Variants in RFX8 observed in about 807,000 individuals in gnomAD.
The protein encoded by RFX8 is DNA-binding protein RFX8.
In RFX8, 46 loss-of-function variants were observed where a neutral mutation model predicts 54.6. The observed-to-expected ratio is 0.84, with a 90% confidence interval of 0.67 to 1.08. The LOEUF (loss-of-function observed/expected upper bound fraction) is 1.08, where lower values mean the gene tolerates loss of function less well. RFX8 is among the 50% of genes least tolerant of loss of function. The pLI, the probability that RFX8 is intolerant of heterozygous loss-of-function variation, is 0.00. For missense variants in RFX8, 536 were observed against 562.3 expected (o/e 0.95, Z 0.47); for synonymous variants, 192 against 209.5 (o/e 0.92, Z 0.72).
intron 2 of RFX8, among the ~76,000 whole-genome samples, chr2:101,426,298 A>G (rs1458070851): frequency 6.6e-6 from 1 of 152,100 alleles, no homozygotes; most frequent in African/African-American, 2.4e-5. Flanking sequence ...CCAGGAGTTC[A>G]TGACCAGCAT....
chr2:101,459,977 C>A (rs979925843), intron 2 of RFX8, among the ~76,000 whole-genome samples: 1 of 152,170 alleles, frequency 6.6e-6, no homozygotes, highest in East Asian at 1.9e-4. Flanking sequence ...CTGGCCGCAT[C>A]CTCGCAGGTC....
intron 10 of RFX8, among the ~76,000 whole-genome samples, chr2:101,403,755 C>T (rs1685577753): frequency 6.6e-6 from 1 of 152,076 alleles, no homozygotes; most frequent in African/African-American, 2.4e-5. Context: ...CCATTGCATT[C>T]CAGCCTGGGT....
intron 2 of RFX8, chr2:101,434,772 C>G (rs1167555911): frequency 6.6e-6 from 1 of 152,180 alleles, no homozygotes; most frequent in Non-Finnish European, 1.5e-5. Context: ...AAGTTCCAAC[C>G]AGCCTTGAAA....
chr2:101,427,214 A>G (rs2104600103), intron 2 of RFX8, among the ~76,000 whole-genome samples: 1 of 152,274 alleles, frequency 6.6e-6, no homozygotes, highest in African/African-American at 2.4e-5. Context: ...TAATCCCTGG[A>G]ACCTATGAAT....
chr2:101,397,511 C>T lies in RFX8; in HGVS notation c.*37G>A, dbSNP rs1051035456. The T allele has an allele frequency of 2.1e-5, 28 of 1,357,920 alleles. No individual in the cohort carries two copies. Among genetic ancestry groups the T allele is most frequent in the African/African-American group, 3.0e-5 (2 of 67,748 alleles). 84.1% of individuals were successfully genotyped at this position (1,357,920 alleles called of 1,614,324 possible). A position where few individuals can be genotyped will look rare whatever the true frequency, so the allele number is the denominator to read the frequency against. On this transcript the variant is annotated 3_prime_UTR_variant, in exon 12 of 12. Transcript: ENST00000428343. ...ATTTAATATTTTTAAGAATGCAAGT[C>T]TATCAGTTTTCTTATTCTCTATTCA...
intron 1 of RFX8, among the ~76,000 whole-genome samples, chr2:101,470,624 C>G (rs1018263096): frequency 6.6e-6 from 1 of 151,876 alleles, no homozygotes; most frequent in Non-Finnish European, 1.5e-5. Flanking sequence ...TGATGTTCTC[C>G]TCGCTTTGAG....
intron 11 of RFX8, among the ~76,000 whole-genome samples, chr2:101,398,228 A>G (rs1558829437): frequency 6.6e-6 from 1 of 152,186 alleles, no homozygotes; most frequent in Non-Finnish European, 1.5e-5. Flanking sequence ...ACTCAGTGGG[A>G]GGCTTTGCAA....
At chr2:101,412,487 A>G (rs988304059) in intron 8 of RFX8, among the ~76,000 whole-genome samples, 1 of 152,256 alleles carries the variant, frequency 6.6e-6, no homozygotes, top group African/African-American at 2.4e-5. Context: ...GCAAGTAACA[A>G]GAGTGATGGG....
intron 3 of RFX8, 102 bp from the exon 4 acceptor site, chr2:101,421,879 AT>A (rs1686886927): frequency 1.2e-6 from 1 of 839,346 alleles, no homozygotes; most frequent in African/African-American, 1.7e-5. Flanking sequence ...TCTTGTTGCA[AT>A]TCTCAAATGA....
At chr2:101,448,207 G>A (rs1252877155) in intron 2 of RFX8, among the ~76,000 whole-genome samples, 1 of 152,172 alleles carries the variant, frequency 6.6e-6, no homozygotes, top group East Asian at 1.9e-4. Flanking sequence ...AACAAACAAA[G>A]CTCCATGGTT....
chr2:101,441,460 C>T (rs2148959087), intron 2 of RFX8, among the ~76,000 whole-genome samples: 1 of 152,314 alleles, frequency 6.6e-6, no homozygotes, highest in Non-Finnish European at 1.5e-5. Context: ...GCCCCCTTGC[C>T]ATGTGATGTC....
At chr2:101,473,591 C>T (rs535810414) in intron 1 of RFX8, among the ~76,000 whole-genome samples, 1 of 152,258 alleles carries the variant, frequency 6.6e-6, no homozygotes, top group East Asian at 1.9e-4. Flanking sequence ...GAAAAATGTA[C>T]TCTGTTATAT....
At chr2:101,459,260 G>A (rs771246787) in intron 2 of RFX8, among the ~76,000 whole-genome samples, 13 of 152,154 alleles carry the variant, frequency 8.5e-5, no homozygotes, top group Non-Finnish European at 1.8e-4. Flanking sequence ...CGTTGCTGGC[G>A]AGGAGCTGCA....
Position 101,443,703 on chromosome 2 carries a change from G to A in RFX8, c.73-21231C>T, listed in dbSNP as rs894518821. 3.9e-5 allele frequency among the ~76,000 whole-genome samples: 6 copies of A among 152,150 alleles called. 1 individual carries two copies. Among genetic ancestry groups the A allele is most frequent in the African/African-American group, 1.4e-4 (6 of 41,442 alleles). On this transcript the variant is annotated intron_variant, in intron 2 of 11. Coordinates refer to ENST00000428343, the MANE Select transcript of RFX8 (RefSeq NM_001145664.2). The stretch of plus-strand genomic sequence containing the variant: ...TTTGTCTTCCACACACCCCTGGACT[G>A]AGCACTGGAGAAATGTGCAACACAG...
intron 9 of RFX8, among the ~76,000 whole-genome samples, chr2:101,407,262 C>T (rs777944533): frequency 7.2e-5 from 11 of 152,236 alleles, no homozygotes; most frequent in Non-Finnish European, 1.2e-4. Flanking sequence ...CCCTGAGCTT[C>T]AGGGGACGTG....
In RFX8 at chr2:101,402,757, A is replaced by C. The variant is rs199757001; in HGVS notation, c.929-5T>G. ...AGTGAAACAGATGCCAGGAGCCTAC[A>C]TTTAGATAATAACCAAAAATGAATA... On this transcript the variant is annotated splice_region_variant and splice_polypyrimidine_tract_variant and intron_variant, in intron 10 of 11. Coordinates refer to ENST00000428343, the MANE Select transcript of RFX8 (RefSeq NM_001145664.2). The C allele has an allele frequency of 1.6e-4, 251 of 1,537,972 alleles. No individual in the cohort carries two copies. Among genetic ancestry groups the C allele is most frequent in the Non-Finnish European group, 2.0e-4 (223 of 1,137,850 alleles).
chr2:101,424,824 CT>C (rs1229118210), intron 2 of RFX8, among the ~76,000 whole-genome samples: 16 of 152,060 alleles, frequency 1.1e-4, no homozygotes, highest in African/African-American at 3.9e-4. Context: ...AATGAGAACA[CT>C]TGGACACAGG....
chr2:101,423,763 C>T (rs1687007126), intron 2 of RFX8, among the ~76,000 whole-genome samples: 1 of 152,138 alleles, frequency 6.6e-6, no homozygotes, highest in South Asian at 2.1e-4. Flanking sequence ...CCTGTGCCCA[C>T]CCTTTAGCAG....
intron 2 of RFX8, among the ~76,000 whole-genome samples, chr2:101,431,240 GA>G (rs1687468670): frequency 1.3e-5 from 2 of 152,206 alleles, no homozygotes; most frequent in Non-Finnish European, 1.5e-5. Flanking sequence ...GTGATCCAGG[GA>G]GACAAGGTCT....
Sources: allele counts gnomAD v4.1 joint callset (sites outside exome capture counted in the v4.1 genomes callset), GRCh38; gene constraint gnomAD v4.1.1; transcripts MANE v1.5; gene names NCBI Gene and HGNC (gene_info 2026-07-23, HGNC 2026-07-21).